Variants in PTPRD observed in about 807,000 individuals in gnomAD.
The protein encoded by PTPRD is protein tyrosine phosphatase receptor type D, also known as receptor-type tyrosine-protein phosphatase delta.
A neutral mutation model predicts 214.5 loss-of-function variants in PTPRD; 34 were observed. The ratio of observed to expected loss-of-function variants is 0.16; its 90% CI spans 0.12 to 0.21. The LOEUF is 0.21. Ranked by LOEUF, PTPRD falls within the 10% of genes least tolerant of loss-of-function variation. The pLI, the probability that PTPRD is intolerant of heterozygous loss-of-function variation, is 1.00. For synonymous variants in PTPRD, 1,128 were observed against 845.7 expected (o/e 1.33, Z -5.79); for missense variants, 2,545 against 2,398.7 (o/e 1.06, Z -1.27).
intron 12 of PTPRD, among the ~76,000 whole-genome samples, chr9:8,637,183 C>CTGAT (rs1322674075): frequency 6.6e-6 from 1 of 152,148 alleles, no homozygotes; most frequent in Non-Finnish European, 1.5e-5. Flanking sequence ...AAAATGAGCT[C>CTGAT]ATCAATCAAA....
chr9:9,092,377 T>C (rs2099777502), intron 10 of PTPRD, among the ~76,000 whole-genome samples: 1 of 152,102 alleles, frequency 6.6e-6, no homozygotes, highest in African/African-American at 2.4e-5. Flanking sequence ...ATTCATATTA[T>C]TATTGTTATA....
At chr9:9,898,489 A>G (rs948630470) in intron 5 of PTPRD, among the ~76,000 whole-genome samples, 1 of 152,108 alleles carries the variant, frequency 6.6e-6, no homozygotes, top group Admixed American at 6.6e-5. Context: ...AGAGAAAGAT[A>G]CCGCATCAAG....
chr9:9,666,686 A>T (rs1173907739), intron 7 of PTPRD, among the ~76,000 whole-genome samples: 2 of 151,962 alleles, frequency 1.3e-5, no homozygotes, highest in Non-Finnish European at 2.9e-5. Flanking sequence ...CTTTACTTTC[A>T]ACTGTCTTGT....
chr9:9,336,624 C>T lies in PTPRD; in HGVS notation c.-203+60825G>A, dbSNP rs928473. Among the ~76,000 whole-genome samples the T allele has an allele frequency of 9.3e-3, 1,408 of 152,150 alleles. 24 individuals carry two copies. The highest frequency in any genetic ancestry group is 0.033 in the African/African-American group (1,351 of 41,526). ...GTGTTCTGGGATGAGGATAATCATGCTTTGTATACAAAACCACATTTGATC... is the reference window on the plus strand; with the variant it reads ...GTGTTCTGGGATGAGGATAATCATGTTTTGTATACAAAACCACATTTGATC... On this transcript the variant is annotated intron_variant, in intron 9 of 45. Transcript: ENST00000381196.
intron 11 of PTPRD, among the ~76,000 whole-genome samples, chr9:8,824,221 A>G (rs2097132391): frequency 6.6e-6 from 1 of 152,168 alleles, no homozygotes; most frequent in Non-Finnish European, 1.5e-5. Flanking sequence ...AGTGGGTCCT[A>G]GCCTCATTTT....
At chr9:8,363,566 C>T (rs74722826) in intron 39 of PTPRD, among the ~76,000 whole-genome samples, 10,258 of 152,252 alleles carry the variant, frequency 0.067, 449 homozygotes, top group Middle Eastern at 0.14. Context: ...AAAAAACCCT[C>T]AGTTTGGGTT....
intron 9 of PTPRD, among the ~76,000 whole-genome samples, chr9:9,224,893 T>C (rs1301746935): frequency 6.6e-6 from 1 of 152,022 alleles, no homozygotes; most frequent in African/African-American, 2.4e-5. Context: ...GATGTCTACA[T>C]GTTGTCTATG....
rs1394060137 is a variant in PTPRD at position 10,094,174 on chromosome 9, A to G, written c.-544-60384T>C. On this transcript the variant is annotated intron_variant, in intron 3 of 45. Coordinates refer to ENST00000381196, the MANE Select transcript of PTPRD (RefSeq NM_002839.4). ...AGCTGACCGCTGTCTTGGTTTTAAT[A>G]TTTTACTCTGTCTATCCTCCTATTT... is the stretch of plus-strand genomic sequence containing the variant. 4.6e-5 allele frequency among the ~76,000 whole-genome samples: 7 copies of G among 151,580 alleles called. 1 individual carries two copies. The Admixed American group carries it at 4.6e-4, about 10-fold the overall frequency.
chr9:9,773,869 T>G (rs2098774355), intron 5 of PTPRD, among the ~76,000 whole-genome samples: 2 of 152,224 alleles, frequency 1.3e-5, no homozygotes, highest in Non-Finnish European at 2.9e-5. Context: ...ATAAGCACTG[T>G]TCTTAGTGGT....
At chr9:10,496,750 T>C (rs547623846) in intron 2 of PTPRD, among the ~76,000 whole-genome samples, 2 of 152,212 alleles carry the variant, frequency 1.3e-5, no homozygotes, top group African/African-American at 4.8e-5. Flanking sequence ...TGCTTGTATA[T>C]CTTCTTTTGA....
At chr9:8,333,043 C>G (rs1013771779) in intron 43 of PTPRD, among the ~76,000 whole-genome samples, 3 of 152,154 alleles carry the variant, frequency 2.0e-5, no homozygotes, top group Non-Finnish European at 2.9e-5. Flanking sequence ...CTCATCACCT[C>G]GCCTGGTGGT....
chr9:9,831,009 C>G (rs1599039234), intron 5 of PTPRD, among the ~76,000 whole-genome samples: 1 of 151,904 alleles, frequency 6.6e-6, no homozygotes, highest in East Asian at 1.9e-4. Context: ...TTTTCATTAA[C>G]AATTTAAGAA....
chr9:9,972,854 C>G (rs144791739), intron 4 of PTPRD, among the ~76,000 whole-genome samples: 2 of 152,248 alleles, frequency 1.3e-5, no homozygotes, highest in East Asian at 3.9e-4. Context: ...TTATAAGGAG[C>G]CTTCTGATTA....
At chr9:8,761,113 A>G (rs2094388301) in intron 11 of PTPRD, among the ~76,000 whole-genome samples, 1 of 152,202 alleles carries the variant, frequency 6.6e-6, no homozygotes, top group South Asian at 2.1e-4. Flanking sequence ...TTAAAAAGAC[A>G]GAAGCTGATT....
intron 14 of PTPRD, among the ~76,000 whole-genome samples, chr9:8,578,025 T>C (rs907952606): frequency 1.3e-5 from 2 of 152,206 alleles, no homozygotes; most frequent in South Asian, 2.1e-4. Flanking sequence ...ATTTGTTGAA[T>C]ACAGAGCAAA....
At chr9:8,744,638 G>A (rs2092573234) in intron 11 of PTPRD, among the ~76,000 whole-genome samples, 2 of 152,296 alleles carry the variant, frequency 1.3e-5, no homozygotes, top group South Asian at 4.1e-4. Context: ...GGACTTTGGG[G>A]ACTCAAGGGA....
chr9:9,535,139 T>A (rs538699923), intron 8 of PTPRD, among the ~76,000 whole-genome samples: 106 of 152,228 alleles, frequency 7.0e-4, no homozygotes, highest in African/African-American at 2.4e-3. Context: ...ACACTCTGCC[T>A]CGTGAACTTC....
At chr9:9,171,484 G>A (rs761765778) in intron 10 of PTPRD, among the ~76,000 whole-genome samples, 12 of 151,720 alleles carry the variant, frequency 7.9e-5, no homozygotes, top group Middle Eastern at 6.9e-3. Flanking sequence ...GAAAAAATGC[G>A]GGAAGTGATT....
intron 2 of PTPRD, among the ~76,000 whole-genome samples, chr9:10,367,442 C>A (rs2097536374): frequency 6.6e-6 from 1 of 152,078 alleles, no homozygotes; most frequent in Non-Finnish European, 1.5e-5. Context: ...TTGAGCCAAC[C>A]ACTGCCACTG....
Sources: allele counts gnomAD v4.1 joint callset (sites outside exome capture counted in the v4.1 genomes callset), GRCh38; gene constraint gnomAD v4.1.1; transcripts MANE v1.5; gene names NCBI Gene and HGNC (gene_info 2026-07-23, HGNC 2026-07-21).